The following SLMAP variants were observed in gnomAD, a reference collection of about 807,000 sequenced individuals.
The protein encoded by SLMAP is sarcolemmal membrane-associated protein.
Under a neutral mutation model 128.8 loss-of-function variants are expected in SLMAP, and 44 were observed. The ratio of observed to expected loss-of-function variants is 0.34; its 90% CI spans 0.27 to 0.44. The LOEUF is 0.44. SLMAP is among the 20% of genes least tolerant of loss of function. SLMAP has a pLI of 1.00. For missense variants in SLMAP, 787 were observed against 985.3 expected (o/e 0.80, Z 2.69); for synonymous variants, 327 against 348.8 (o/e 0.94, Z 0.70).
intron 2 of SLMAP, among the ~76,000 whole-genome samples, chr3:57,796,126 C>G (rs2086678232): frequency 6.6e-6 from 1 of 152,136 alleles, no homozygotes; most frequent in Non-Finnish European, 1.5e-5. Flanking sequence ...TTTGAGTACT[C>G]TCTTACTTGG....
At chr3:57,825,739 G>C (rs1452329675) in intron 2 of SLMAP, among the ~76,000 whole-genome samples, 1 of 152,100 alleles carries the variant, frequency 6.6e-6, no homozygotes, top group Non-Finnish European at 1.5e-5. Context: ...ATTAAGGTCT[G>C]CTCTGCTCCC....
chr3:57,809,496 A>C (rs911152975), intron 2 of SLMAP, among the ~76,000 whole-genome samples: 7 of 152,202 alleles, frequency 4.6e-5, no homozygotes, highest in African/African-American at 7.2e-5. Flanking sequence ...AGGGAAGCTC[A>C]GCACTGGCCT....
At chr3:57,843,778 T>TTC (rs1553868065) in intron 4 of SLMAP, among the ~76,000 whole-genome samples, 4 of 135,166 alleles carry the variant, frequency 3.0e-5, no homozygotes, top group African/African-American at 8.2e-5. Flanking sequence ...TTTCTTTCTT[T>TTC]TTTTTTTTTT....
At chr3:57,797,836 C>T (rs2087140219) in intron 2 of SLMAP, among the ~76,000 whole-genome samples, 2 of 152,052 alleles carry the variant, frequency 1.3e-5, no homozygotes, top group South Asian at 4.1e-4. Context: ...CTAAAATAGA[C>T]AGTATGGTAG....
Position 57,841,538 on chromosome 3 carries a change from A to G in SLMAP, c.419+167A>G, listed in dbSNP as rs116002844. On this transcript the variant is annotated intron_variant, in intron 4 of 24. Coordinates refer to ENST00000671191, the MANE Select transcript of SLMAP (RefSeq NM_001377540.1). ...TGGAATATAATACACTTCAGTTTAA[A>G]TTGCTTCTTTGCTTTAGTTACAATT... Among the ~76,000 whole-genome samples the G allele has an allele frequency of 0.025, 3,859 of 152,240 alleles. 79 individuals carry two copies. Among genetic ancestry groups the G allele is most frequent in the Non-Finnish European group, 0.033 (2,272 of 67,956 alleles).
At chr3:57,882,564 G>T (rs929189063) in intron 14 of SLMAP, among the ~76,000 whole-genome samples, 4 of 152,208 alleles carry the variant, frequency 2.6e-5, no homozygotes, top group Admixed American at 2.6e-4. Context: ...AGGCTGTAAG[G>T]TCTCTTGGCA....
intron 15 of SLMAP, chr3:57,896,240 T>C: frequency 8.8e-7 from 1 of 1,131,910 alleles, no homozygotes; most frequent in Non-Finnish European, 1.1e-6. Context: ...TTCGTTTTTG[T>C]TTCCAGTTGG....
At chr3:57,868,451 TGTG>T (rs951826071) in intron 13 of SLMAP, among the ~76,000 whole-genome samples, 2 of 150,650 alleles carry the variant, frequency 1.3e-5, no homozygotes, top group Non-Finnish European at 3.0e-5. Flanking sequence ...ATTAGTGAGG[TGTG>T]GTGGCATGTG....
rs182166899 is a variant in SLMAP at position 57,811,664 on chromosome 3, T to G, written c.199-19719T>G. Among the ~76,000 whole-genome samples, 229 of 152,312 alleles carry G rather than the reference T, an allele frequency of 1.5e-3. 1 individual carries two copies. The highest frequency in any genetic ancestry group is 3.4e-3 in the Middle Eastern group (1 of 294). On this transcript the variant is annotated intron_variant, in intron 2 of 24. Transcript: ENST00000671191. Reference sequence around the variant, plus strand: ...TCAAAATTTTTGAGGAACTGCCATATTGTTTAACACAGTAGCTGTACCATT... The same window carrying G: ...TCAAAATTTTTGAGGAACTGCCATAGTGTTTAACACAGTAGCTGTACCATT...
At chr3:57,918,115 G>T (rs1387972694) in intron 22 of SLMAP, 2 of 152,252 alleles carry the variant, frequency 1.3e-5, no homozygotes, top group East Asian at 3.9e-4. Flanking sequence ...ATTTTGTGAT[G>T]TGTTCGTTTT....
At position 57,769,143 on chromosome 3, in the gene SLMAP, A is replaced by G. The variant is rs568735095; in HGVS notation, c.198+11294A>G. ...GCACAACTCTGAATTGTATACTTAAATTGGCAATTGTATGGTGTTTGAATT... is the reference window on the plus strand; with the variant it reads ...GCACAACTCTGAATTGTATACTTAAGTTGGCAATTGTATGGTGTTTGAATT... On this transcript the variant is annotated intron_variant, in intron 2 of 24. Transcript: ENST00000671191. 5.3e-5 allele frequency among the ~76,000 whole-genome samples: 8 copies of G among 152,260 alleles called. No individual in the cohort carries two copies. In the South Asian group the frequency reaches 1.7e-3, roughly 32 times the overall value.
intron 3 of SLMAP, among the ~76,000 whole-genome samples, chr3:57,835,682 T>G (rs2093606528): frequency 6.6e-6 from 1 of 151,966 alleles, no homozygotes; most frequent in South Asian, 2.1e-4. Flanking sequence ...TCTAAATAAA[T>G]AGGATGAAAA....
chr3:57,852,811 T>G (rs904794267), intron 6 of SLMAP, among the ~76,000 whole-genome samples: 1 of 152,216 alleles, frequency 6.6e-6, no homozygotes, highest in African/African-American at 2.4e-5. Context: ...TCTCACTCTT[T>G]CCAACCTTCT....
intron 23 of SLMAP, among the ~76,000 whole-genome samples, chr3:57,924,332 T>C (rs1439522711): frequency 6.6e-6 from 1 of 152,082 alleles, no homozygotes; most frequent in Non-Finnish European, 1.5e-5. Context: ...GGTAACATGA[T>C]TGAAAGCCCT....
chr3:57,819,664 A>G (rs1353173239), intron 2 of SLMAP, among the ~76,000 whole-genome samples: 1 of 152,212 alleles, frequency 6.6e-6, no homozygotes, highest in African/African-American at 2.4e-5. Context: ...CTTTAAACCT[A>G]GTGACCTTGT....
intron 14 of SLMAP, among the ~76,000 whole-genome samples, chr3:57,876,425 A>G (rs2095605224): frequency 6.6e-6 from 1 of 152,264 alleles, no homozygotes; most frequent in African/African-American, 2.4e-5. Context: ...AGAGATTTAA[A>G]TAATGTTTTG....
At chr3:57,769,010 A>G (rs934558137) in intron 2 of SLMAP, among the ~76,000 whole-genome samples, 2 of 152,004 alleles carry the variant, frequency 1.3e-5, no homozygotes, top group African/African-American at 4.8e-5. Flanking sequence ...TGTACATGCA[A>G]TCGGTTCTGT....
intron 2 of SLMAP, among the ~76,000 whole-genome samples, chr3:57,760,767 G>A (rs1182183684): frequency 1.3e-5 from 2 of 151,596 alleles, no homozygotes; most frequent in Non-Finnish European, 2.9e-5. Context: ...CGTTCTTGTT[G>A]CCCAGGCTGG....
At chr3:57,823,433 T>C (rs549357763) in intron 2 of SLMAP, among the ~76,000 whole-genome samples, 1 of 152,254 alleles carries the variant, frequency 6.6e-6, no homozygotes, top group East Asian at 1.9e-4. Flanking sequence ...TGTGTTCTCA[T>C]TGTTCAATTC....
Sources: allele counts gnomAD v4.1 joint callset (sites outside exome capture counted in the v4.1 genomes callset), GRCh38; gene constraint gnomAD v4.1.1; transcripts MANE v1.5; gene names NCBI Gene and HGNC (gene_info 2026-07-23, HGNC 2026-07-21).